Variants in PHACTR4 observed in about 807,000 individuals in gnomAD.
PHACTR4 encodes the protein protein phosphatase 1, regulatory subunit 124.
PHACTR4 carries 51 observed loss-of-function variants against 72.7 expected under a neutral mutation model. The observed-to-expected ratio is 0.70, with a 90% CI of 0.56 to 0.89. PHACTR4 has a LOEUF of 0.89. PHACTR4 is among the 40% of genes least tolerant of loss of function. The probability of loss-of-function intolerance (pLI) is 0.00; values close to 1 mark genes in which losing one functional copy is unlikely to be tolerated. For synonymous variants in PHACTR4, 255 were observed against 302.5 expected (o/e 0.84, Z 1.63); for missense variants, 731 against 861.8 (o/e 0.85, Z 1.90).
At chr1:28,485,331 G>A (rs1318083125) in intron 9 of PHACTR4, among the ~76,000 whole-genome samples, 2 of 152,206 alleles carry the variant, frequency 1.3e-5, no homozygotes, top group African/African-American at 2.4e-5. Context: ...GCTCACGCCT[G>A]TAATCCCAAC....
At chr1:28,442,807 A>T (rs769514214) in intron 2 of PHACTR4, among the ~76,000 whole-genome samples, 3 of 150,788 alleles carry the variant, frequency 2.0e-5, no homozygotes, top group Non-Finnish European at 3.0e-5. Flanking sequence ...TGCCTGGCAA[A>T]TTTTTTTTTT....
At chr1:28,431,300 C>T (rs1303380698) in intron 2 of PHACTR4, among the ~76,000 whole-genome samples, 8 of 149,520 alleles carry the variant, frequency 5.4e-5, no homozygotes, top group Non-Finnish European at 1.0e-4. Context: ...GTCAGGAGAT[C>T]TAGACCATTC....
At chr1:28,392,530 G>T (rs1218892494) in intron 1 of PHACTR4, among the ~76,000 whole-genome samples, 1 of 151,588 alleles carries the variant, frequency 6.6e-6, no homozygotes, top group Non-Finnish European at 1.5e-5. Context: ...AGCCTCCAGA[G>T]TAGCTGGGAT....
intron 8 of PHACTR4, among the ~76,000 whole-genome samples, chr1:28,478,488 G>A (rs1660062919): frequency 6.6e-6 from 1 of 152,114 alleles, no homozygotes; most frequent in South Asian, 2.1e-4. Flanking sequence ...CAGGAGTGCA[G>A]AGGCACGATC....
At chr1:28,469,972 T>C (rs1659460143) in intron 6 of PHACTR4, among the ~76,000 whole-genome samples, 1 of 151,336 alleles carries the variant, frequency 6.6e-6, no homozygotes, top group Non-Finnish European at 1.5e-5. Flanking sequence ...CAGGAGAGAA[T>C]CACTTGAACC....
At chr1:28,432,768 G>A (rs1448234136) in intron 2 of PHACTR4, among the ~76,000 whole-genome samples, 1 of 151,874 alleles carries the variant, frequency 6.6e-6, no homozygotes, top group Non-Finnish European at 1.5e-5. Flanking sequence ...TTTGAGACAG[G>A]GTCTCACTAT....
chr1:28,379,839 T>C (rs945318580), intron 1 of PHACTR4, among the ~76,000 whole-genome samples: 3 of 151,642 alleles, frequency 2.0e-5, no homozygotes, highest in Non-Finnish European at 2.9e-5. Context: ...TCCGCCCGCC[T>C]CGGCCTCCCA....
At chr1:28,377,237 C>CTTTT (rs1304157166) in intron 1 of PHACTR4, among the ~76,000 whole-genome samples, 1 of 136,756 alleles carries the variant, frequency 7.3e-6, no homozygotes, top group Non-Finnish European at 1.6e-5. Context: ...CGCACCCAGC[C>CTTTT]TTTTTTTTTT....
At chr1:28,406,578 C>A (rs1250555279) in intron 1 of PHACTR4, among the ~76,000 whole-genome samples, 1 of 152,172 alleles carries the variant, frequency 6.6e-6, no homozygotes, top group South Asian at 2.1e-4. Flanking sequence ...TGAGCCACTG[C>A]GCCCGGCCCT....
intron 2 of PHACTR4, among the ~76,000 whole-genome samples, chr1:28,442,478 A>G (rs1657114529): frequency 1.3e-5 from 2 of 152,048 alleles, no homozygotes; most frequent in Non-Finnish European, 1.5e-5. Flanking sequence ...AAAAGAAAAA[A>G]AAGTTTTTGT....
At chr1:28,466,061 G>T (rs998134855) in intron 5 of PHACTR4, among the ~76,000 whole-genome samples, 1 of 152,138 alleles carries the variant, frequency 6.6e-6, no homozygotes, top group Non-Finnish European at 1.5e-5. Flanking sequence ...GAAGGGAAGA[G>T]GATGTTAAGT....
At chr1:28,426,089 C>T (rs1203490741) in intron 2 of PHACTR4, among the ~76,000 whole-genome samples, 1 of 152,054 alleles carries the variant, frequency 6.6e-6, no homozygotes, top group Non-Finnish European at 1.5e-5. Flanking sequence ...GGCGTAGTGG[C>T]AGGCGCCTGT....
At chr1:28,438,973 T>G (rs1263712132) in intron 2 of PHACTR4, among the ~76,000 whole-genome samples, 1 of 152,228 alleles carries the variant, frequency 6.6e-6, no homozygotes, top group Non-Finnish European at 1.5e-5. Flanking sequence ...GTTAGTACTT[T>G]ACATTTGAAA....
chr1:28,399,620 G>A (rs1371027626), intron 1 of PHACTR4, among the ~76,000 whole-genome samples: 1 of 152,090 alleles, frequency 6.6e-6, no homozygotes, highest in East Asian at 1.9e-4. Context: ...AGTACCTAGT[G>A]TATGCACCTT....
intron 1 of PHACTR4, among the ~76,000 whole-genome samples, chr1:28,405,726 AC>A (rs1253279766): frequency 4.0e-5 from 6 of 151,832 alleles, no homozygotes; most frequent in African/African-American, 1.4e-4. Context: ...CTCTGTCTCT[AC>A]TAAAAATACA....
At chr1:28,382,942 G>A (rs547491946) in intron 1 of PHACTR4, among the ~76,000 whole-genome samples, 3 of 152,128 alleles carry the variant, frequency 2.0e-5, no homozygotes, top group East Asian at 3.9e-4. Flanking sequence ...TACAGGCCCC[G>A]CCACCATGTC....
At chr1:28,424,154 A>G (rs898734879) in intron 2 of PHACTR4, among the ~76,000 whole-genome samples, 12 of 152,292 alleles carry the variant, frequency 7.9e-5, no homozygotes, top group African/African-American at 2.9e-4. Flanking sequence ...CAGGAACTAG[A>G]AAAGCAGAGC....
At position 28,369,837 on chromosome 1, in the gene PHACTR4, G is replaced by A. The variant is rs1237076670; in HGVS notation, c.-39+12G>A. The A allele has an allele frequency of 1.8e-5, 8 of 447,518 alleles. No individual in the cohort carries two copies. The highest frequency in any genetic ancestry group is 1.4e-4 in the African/African-American group (7 of 49,024). 27.7% of individuals were successfully genotyped at this position (447,518 alleles called of 1,614,324 possible). On this transcript the variant is annotated intron_variant, in intron 1 of 13. Coordinates refer to ENST00000373839, the MANE Select transcript of PHACTR4 (RefSeq NM_001048183.3). ...CGGCGGAGATCTGGGTAAGTTCAGC[G>A]AGCAAGGGAAAGTGAGCAGGACGCG...
At chr1:28,457,763 A>G (rs1658495337) in intron 2 of PHACTR4, 1 of 878,824 alleles carries the variant, frequency 1.1e-6, no homozygotes, top group South Asian at 5.2e-5. Flanking sequence ...ATGTATTTCT[A>G]CAAAGTAGAG....
Sources: allele counts gnomAD v4.1 joint callset (sites outside exome capture counted in the v4.1 genomes callset), GRCh38; gene constraint gnomAD v4.1.1; transcripts MANE v1.5; gene names NCBI Gene and HGNC (gene_info 2026-07-23, HGNC 2026-07-21).